Variants in USP6NL observed in about 807,000 individuals in gnomAD.
USP6NL encodes the protein USP6 N-terminal like.
A neutral mutation model predicts 61.9 loss-of-function variants in USP6NL; 26 were observed. That is an observed-to-expected ratio of 0.42 (90% CI 0.31 to 0.58). The LOEUF (loss-of-function observed/expected upper bound fraction) is 0.58, where lower values mean the gene tolerates loss of function less well. Among genes scored for constraint, USP6NL ranks in the 20% least tolerant of loss-of-function variants. The pLI is 0.16. For missense variants in USP6NL, 1,114 were observed against 1,034.3 expected, an observed-to-expected ratio of 1.08 and a Z score of -1.06; for synonymous variants, 432 against 390.1, an observed-to-expected ratio of 1.11 and a Z score of -1.27.
Position 11,521,284 on chromosome 10 carries a change from C to A in USP6NL, c.156-2710G>T, listed in dbSNP as rs373038824. On this transcript the variant is annotated intron_variant, in intron 4 of 14. Transcript: ENST00000609104. ...AGGATTGGTAGAAAGAGTTCTCAAGCCTTTGTAATCAAAATTATATATATA... is the reference window on the plus strand; with the variant it reads ...AGGATTGGTAGAAAGAGTTCTCAAGACTTTGTAATCAAAATTATATATATA... Among the ~76,000 whole-genome samples, 114 of 146,796 alleles carry A rather than the reference C, an allele frequency of 7.8e-4. 3 individuals carry two copies. The highest frequency in any genetic ancestry group is 2.3e-3 in the South Asian group (11 of 4,702).
At position 11,554,966 on chromosome 10, in the gene USP6NL, A is replaced by ATTTT. The variant is rs764342021; in HGVS notation, c.5-27403_5-27400dup. On this transcript the variant is annotated intron_variant, in intron 2 of 14. Coordinates refer to ENST00000609104, the MANE Select transcript of USP6NL (RefSeq NM_014688.5). ...AGGTGCCTGCCACCATGCCCGGCTA[A>ATTTT]TTTTTTTTTTTTTTTTTTTACTAGA... 3.1e-3 allele frequency among the ~76,000 whole-genome samples: 343 copies of ATTTT among 111,844 alleles called. 5 individuals carry two copies. The highest frequency in any genetic ancestry group is 0.01 in the African/African-American group (317 of 30,378). The allele number at this position is 111,844 out of a possible 152,430, so 73.4% of individuals were successfully genotyped here.
At chr10:11,583,023 A>G (rs1160012860) in intron 2 of USP6NL, among the ~76,000 whole-genome samples, 1 of 151,034 alleles carries the variant, frequency 6.6e-6, no homozygotes, top group African/African-American at 2.4e-5. Context: ...CATTAAATAA[A>G]TAATTACAAA....
Position 11,611,430 on chromosome 10 carries a change from G to A in USP6NL, c.-84+13C>T, listed in dbSNP as rs886790318. ...CCGGCCCCTCACGGCGGGAGCTGAG[G>A]AATGGAAGTTACCTCAGTACGGTCC... On this transcript the variant is annotated intron_variant, in intron 1 of 14. Transcript: ENST00000609104. This position sits in a 1 kb window ranked among gnomAD's most constrained non-coding sequence, Gnocchi z 5.3. The A allele has an allele frequency of 1.3e-4, 20 of 152,640 alleles. No homozygotes were observed. The highest frequency in any genetic ancestry group is 1.2e-3 in the Admixed American group (19 of 15,238). The allele number at this position is 152,640 out of a possible 1,614,324, so 9.5% of individuals were successfully genotyped here. A position where few individuals can be genotyped will look rare whatever the true frequency, so the allele number is the denominator to read the frequency against.
Position 11,460,880 on chromosome 10 carries a change from A to C in USP6NL, c.*1561T>G, listed in dbSNP as rs2096211961. 6.6e-6 allele frequency: 1 copy of C among 152,306 alleles called. No individual in the cohort carries two copies. The highest frequency in any genetic ancestry group is 2.1e-4 in the South Asian group (1 of 4,816). The allele number at this position is 152,306 out of a possible 1,614,324, so 9.4% of individuals were successfully genotyped here. A position where few individuals can be genotyped will look rare whatever the true frequency, so the allele number is the denominator to read the frequency against. On this transcript the variant is annotated 3_prime_UTR_variant, in exon 15 of 15. Coordinates refer to ENST00000609104, the MANE Select transcript of USP6NL (RefSeq NM_014688.5). ...TTCACCAGAATTTTGTTTGCGTTTCAATGTAGTGTTTAGCTTTAATACACT... is the reference window on the plus strand; with the variant it reads ...TTCACCAGAATTTTGTTTGCGTTTCCATGTAGTGTTTAGCTTTAATACACT...
chr10:11,534,860 C>A (rs1236150632), intron 2 of USP6NL, among the ~76,000 whole-genome samples: 1 of 152,164 alleles, frequency 6.6e-6, no homozygotes, highest in African/African-American at 2.4e-5. Context: ...AAAATATAGA[C>A]AATGTCTAAA....
chr10:11,554,009 C>G (rs1015632957), intron 2 of USP6NL, among the ~76,000 whole-genome samples: 6 of 152,124 alleles, frequency 3.9e-5, no homozygotes, highest in African/African-American at 1.4e-4. Context: ...CTACAAAGAT[C>G]CAGGCTCCTT....
At position 11,537,636 on chromosome 10, in the gene USP6NL, A is replaced by T. The variant is rs927155734; in HGVS notation, c.5-10069T>A. Among the ~76,000 whole-genome samples, 1 of 152,130 alleles carries T rather than the reference A, an allele frequency of 6.6e-6. No individual in the cohort carries two copies. The highest frequency in any genetic ancestry group is 1.5e-5 in the Non-Finnish European group (1 of 68,026). Reference sequence around the variant, plus strand: ...TTTTTTCATTAAATTTGCAGAATACACTCTTCAAACAAATTCTATAAATGC... The same window carrying T: ...TTTTTTCATTAAATTTGCAGAATACTCTCTTCAAACAAATTCTATAAATGC... On this transcript the variant is annotated intron_variant, in intron 2 of 14. Coordinates refer to ENST00000609104, the MANE Select transcript of USP6NL (RefSeq NM_014688.5). This position sits in a 1 kb window ranked among gnomAD's most constrained non-coding sequence, Gnocchi z 5.1.
chr10:11,484,369 T>C (rs145379835), intron 13 of USP6NL, among the ~76,000 whole-genome samples: 7 of 151,644 alleles, frequency 4.6e-5, no homozygotes, highest in Non-Finnish European at 1.0e-4. Flanking sequence ...CTTAAATATA[T>C]TGCAACTGAA....
At chr10:11,497,744 T>C (rs879296061) in intron 7 of USP6NL, among the ~76,000 whole-genome samples, 4 of 152,168 alleles carry the variant, frequency 2.6e-5, no homozygotes, top group Admixed American at 2.6e-4. Context: ...AGCTAATGCA[T>C]GGAATGCAGG....
intron 2 of USP6NL, among the ~76,000 whole-genome samples, chr10:11,579,570 G>C (rs1209958874): frequency 6.6e-6 from 1 of 152,110 alleles, no homozygotes; most frequent in Non-Finnish European, 1.5e-5. Context: ...TCTCTACTCA[G>C]ATTTTCAAGA....
chr10:11,510,154 T>G lies in USP6NL; in HGVS notation c.196-479A>C, dbSNP rs1467193922. Among the ~76,000 whole-genome samples the G allele has an allele frequency of 6.6e-6, 1 of 152,074 alleles. No individual in the cohort carries two copies. Among genetic ancestry groups the G allele is most frequent in the Non-Finnish European group, 1.5e-5 (1 of 68,012 alleles). ...AAGTAGCCTTATGCTAGAGGGAAAC[T>G]ATTAAAAAAAATAAAACTAAGTACT... On this transcript the variant is annotated intron_variant, in intron 5 of 14. Transcript: ENST00000609104. This position sits in a 1 kb window ranked among gnomAD's most constrained non-coding sequence, Gnocchi z 4.8.
Position 11,545,122 on chromosome 10 carries a change from T to C in USP6NL, c.5-17555A>G, listed in dbSNP as rs190994437. The stretch of plus-strand genomic sequence containing the variant: ...CACCTTGTCAGAATACAAACATAAA[T>C]TTTTAAACAATTGTAAATATAATTA... On this transcript the variant is annotated intron_variant, in intron 2 of 14. Coordinates refer to ENST00000609104, the MANE Select transcript of USP6NL (RefSeq NM_014688.5). 7.8e-4 allele frequency among the ~76,000 whole-genome samples: 119 copies of C among 152,306 alleles called. No individual in the cohort carries two copies. In the East Asian group the frequency reaches 0.02, roughly 26 times the overall value.
intron 7 of USP6NL, among the ~76,000 whole-genome samples, 195 bp from the exon 8 acceptor site, chr10:11,493,423 C>T (rs189848811): frequency 3.8e-4 from 58 of 152,308 alleles, no homozygotes; most frequent in Non-Finnish European, 7.4e-4. Context: ...ATTTCTCCTA[C>T]TGCCTGCTTC....
chr10:11,530,008 A>T (rs1487961184), intron 2 of USP6NL, among the ~76,000 whole-genome samples: 2 of 150,658 alleles, frequency 1.3e-5, no homozygotes, highest in Non-Finnish European at 3.0e-5. Flanking sequence ...AGGCTGAAGC[A>T]GGAGAATCGC....
intron 14 of USP6NL, among the ~76,000 whole-genome samples, chr10:11,467,859 A>C (rs1341617156): frequency 6.6e-6 from 1 of 152,256 alleles, no homozygotes; most frequent in East Asian, 1.9e-4. Flanking sequence ...GTAACAGAGA[A>C]GTATGAAGTT....
At position 11,462,384 on chromosome 10, in the gene USP6NL, T is replaced by C. The variant is rs561629773; in HGVS notation, c.*57A>G. 1.1e-5 allele frequency: 17 copies of C among 1,554,236 alleles called. No homozygotes were observed. In the African/African-American group the frequency reaches 1.9e-4, roughly 17 times the overall value. On this transcript the variant is annotated 3_prime_UTR_variant, in exon 15 of 15. Transcript: ENST00000609104. ...AATACTGCTTTGGCAATTATGAACA[T>C]AGCAATGTAGGTTTCACGTGGTTTC...
chr10:11,567,370 A>G (rs2133557016), intron 2 of USP6NL, among the ~76,000 whole-genome samples: 1 of 152,328 alleles, frequency 6.6e-6, no homozygotes, highest in Middle Eastern at 3.4e-3. Flanking sequence ...CGAGCTAAAC[A>G]AAATGGACTC....
chr10:11,531,682 AAACT>A (rs1370127488), intron 2 of USP6NL, among the ~76,000 whole-genome samples: 3 of 152,054 alleles, frequency 2.0e-5, no homozygotes, highest in Admixed American at 1.3e-4. Flanking sequence ...AAAAAAAAAA[AAACT>A]ACATTATCCA....
At chr10:11,526,026 G>A (rs772958269) in intron 3 of USP6NL, among the ~76,000 whole-genome samples, 27 of 151,716 alleles carry the variant, frequency 1.8e-4, no homozygotes, top group Admixed American at 2.6e-4. Flanking sequence ...TCTCTGAAGC[G>A]TACTTGTCAG....
Sources: gnomAD v4.1 joint callset for allele counts (sites outside exome capture counted in the v4.1 genomes callset) on GRCh38, gnomAD v4.1.1 for gene constraint, Gnocchi (gnomAD v3.1) non-coding constraint, MANE v1.5 for transcripts, NCBI Gene and HGNC (gene_info 2026-07-23, HGNC 2026-07-21) for gene names.